CADM2: variants seen among roughly 807,000 people sequenced by gnomAD.
CADM2 encodes cell adhesion molecule 2.
Under a neutral mutation model 49.8 loss-of-function variants are expected in CADM2, and 12 were observed. The ratio of observed to expected loss-of-function variants is 0.24; its 90% CI spans 0.15 to 0.39. CADM2 has a LOEUF of 0.39. CADM2 is among the 10% of genes least tolerant of loss of function. The pLI is 1.00. For missense variants in CADM2, 378 were observed against 492.3 expected (o/e 0.77, Z 2.20); for synonymous variants, 214 against 175.4 (o/e 1.22, Z -1.74).
chr3:85,155,878 T>C (rs1333351456), intron 1 of CADM2, among the ~76,000 whole-genome samples: 2 of 152,298 alleles, frequency 1.3e-5, no homozygotes, highest in Admixed American at 1.3e-4. Flanking sequence ...AATAAAGATG[T>C]TCTTTGAAAC....
intron 1 of CADM2, among the ~76,000 whole-genome samples, chr3:85,112,438 A>T (rs10865606): frequency 0.1 from 15,738 of 151,546 alleles, 1,723 homozygotes; most frequent in African/African-American, 0.28. Flanking sequence ...CAAAATCATA[A>T]AGTGTTAAAG....
intron 1 of CADM2, among the ~76,000 whole-genome samples, chr3:85,134,474 CATCTT>C (rs1345406680): frequency 6.6e-6 from 1 of 152,244 alleles, no homozygotes; most frequent in African/African-American, 2.4e-5. Flanking sequence ...CTACATAAAT[CATCTT>C]TAACATAAAT....
intron 1 of CADM2, among the ~76,000 whole-genome samples, chr3:84,962,217 A>G (rs1330983542): frequency 6.6e-6 from 1 of 151,644 alleles, no homozygotes; most frequent in East Asian, 1.9e-4. Flanking sequence ...ATGTCTGTGG[A>G]CTTAGGAGCA....
At chr3:85,094,138 A>G (rs1190500924) in intron 1 of CADM2, among the ~76,000 whole-genome samples, 2 of 152,184 alleles carry the variant, frequency 1.3e-5, no homozygotes, top group African/African-American at 4.8e-5. Context: ...AATACAATGT[A>G]GAACTGTGAA....
chr3:85,300,094 G>A (rs943296511), intron 1 of CADM2, among the ~76,000 whole-genome samples: 9 of 151,908 alleles, frequency 5.9e-5, no homozygotes, highest in Admixed American at 3.3e-4. Flanking sequence ...CTGTTTAACC[G>A]CATTTTCAAT....
chr3:85,107,266 T>C (rs556308399), intron 1 of CADM2, among the ~76,000 whole-genome samples: 1 of 152,202 alleles, frequency 6.6e-6, no homozygotes, highest in African/African-American at 2.4e-5. Context: ...ACAGAATATA[T>C]ATGGATATTT....
At chr3:85,425,281 G>A (rs1158336388) in intron 1 of CADM2, among the ~76,000 whole-genome samples, 1 of 152,210 alleles carries the variant, frequency 6.6e-6, no homozygotes, top group Non-Finnish European at 1.5e-5. Flanking sequence ...CTTGGGAACG[G>A]TAATGGTTAG....
At chr3:85,541,744 T>TA (rs1559897554) in intron 1 of CADM2, among the ~76,000 whole-genome samples, 3 of 126,668 alleles carry the variant, frequency 2.4e-5, no homozygotes, top group African/African-American at 6.9e-5. Flanking sequence ...TATATATATA[T>TA]TTTATATATT....
chr3:86,005,057 G>T (rs1037326232), intron 8 of CADM2, among the ~76,000 whole-genome samples: 2 of 152,042 alleles, frequency 1.3e-5, no homozygotes, highest in African/African-American at 4.8e-5. Flanking sequence ...TCCATTTATT[G>T]TTACTGCTTT....
chr3:85,131,977 G>A (rs145460588), intron 1 of CADM2, among the ~76,000 whole-genome samples: 147 of 151,816 alleles, frequency 9.7e-4, no homozygotes, highest in African/African-American at 3.3e-3. Flanking sequence ...CCAGAACAAA[G>A]TTTGAAGATG....
At chr3:85,324,839 G>A (rs1275318771) in intron 1 of CADM2, among the ~76,000 whole-genome samples, 1 of 152,126 alleles carries the variant, frequency 6.6e-6, no homozygotes, top group African/African-American at 2.4e-5. Context: ...AAAGAAACTG[G>A]AGCATCAAAT....
rs183950580 is a variant in CADM2 at position 85,102,423 on chromosome 3, A to C, written c.61+142755A>C. 1.6e-3 allele frequency among the ~76,000 whole-genome samples: 238 copies of C among 152,310 alleles called. 2 individuals carry two copies. Among genetic ancestry groups the C allele is most frequent in the South Asian group, 0.014 (68 of 4,830 alleles). On this transcript the variant is annotated intron_variant, in intron 1 of 9. Transcript: ENST00000383699. ...ACAGAGAGTATAGAAAAAGATTTTGATGTTTAATATACATAATCACAACTA... is the reference window on the plus strand; with the variant it reads ...ACAGAGAGTATAGAAAAAGATTTTGCTGTTTAATATACATAATCACAACTA...
chr3:85,168,011 T>G (rs1311875864), intron 1 of CADM2, among the ~76,000 whole-genome samples: 2 of 152,156 alleles, frequency 1.3e-5, no homozygotes, highest in Non-Finnish European at 2.9e-5. Flanking sequence ...GCTCAAGTGG[T>G]ACCTATTATT....
At chr3:85,488,160 T>A (rs2107640628) in intron 1 of CADM2, among the ~76,000 whole-genome samples, 1 of 152,282 alleles carries the variant, frequency 6.6e-6, no homozygotes, top group South Asian at 2.1e-4. Context: ...CTCTTTCTTT[T>A]GCTAAGGCCA....
chr3:85,621,734 A>G (rs1013845115), intron 1 of CADM2, among the ~76,000 whole-genome samples: 1 of 152,138 alleles, frequency 6.6e-6, no homozygotes, highest in Non-Finnish European at 1.5e-5. Flanking sequence ...TAATGAACAC[A>G]CGGTTTTCAG....
intron 1 of CADM2, among the ~76,000 whole-genome samples, chr3:85,599,721 A>G (rs893239316): frequency 6.6e-6 from 1 of 151,992 alleles, no homozygotes. Context: ...AAAAATTTCA[A>G]TTGATTTTAG....
intron 1 of CADM2, among the ~76,000 whole-genome samples, chr3:85,515,632 T>TATATA (rs1491095321): frequency 1.5e-3 from 144 of 94,260 alleles, no homozygotes; most frequent in African/African-American, 6.7e-3. Flanking sequence ...TATATATATA[T>TATATA]TTTTTTTTTT....
At position 85,431,860 on chromosome 3, in the gene CADM2, C is replaced by CATATAT. The variant is rs1553722697; in HGVS notation, c.62-294655_62-294650dup. 2.0e-3 allele frequency among the ~76,000 whole-genome samples: 105 copies of CATATAT among 51,862 alleles called. 32 individuals carry two copies. The highest frequency in any genetic ancestry group is 2.7e-3 in the Admixed American group (11 of 4,030). 34.0% of individuals were successfully genotyped at this position (51,862 alleles called of 152,430 possible). On this transcript the variant is annotated intron_variant, in intron 1 of 9. Coordinates refer to ENST00000383699, the MANE Select transcript of CADM2 (RefSeq NM_001167675.2). ...AACACCATGGTCTTATGCTTAATTG[C>CATATAT]ATATATATATATGCCATGCTCTTTC...
chr3:85,387,099 G>A (rs1322815947), intron 1 of CADM2, among the ~76,000 whole-genome samples: 3 of 152,058 alleles, frequency 2.0e-5, no homozygotes, highest in Non-Finnish European at 2.9e-5. Flanking sequence ...TCATGGAGCC[G>A]CTGGGGGAAA....
Sources: allele counts gnomAD v4.1 joint callset (sites outside exome capture counted in the v4.1 genomes callset), GRCh38; gene constraint gnomAD v4.1.1; transcripts MANE v1.5; gene names NCBI Gene and HGNC (gene_info 2026-07-23, HGNC 2026-07-21).